Variants in PRKCB observed in about 807,000 individuals in gnomAD.
PRKCB encodes the protein protein kinase C beta type.
PRKCB carries 13 observed loss-of-function variants against 81.5 expected under a neutral mutation model. The ratio of observed to expected loss-of-function variants is 0.16; its 90% CI spans 0.10 to 0.25. The LOEUF (loss-of-function observed/expected upper bound fraction) is 0.25. Ranked by LOEUF, PRKCB falls within the 10% of genes least tolerant of loss-of-function variation. The pLI, the probability that PRKCB is intolerant of heterozygous loss-of-function variation, is 1.00. For missense variants in PRKCB, 509 were observed against 875.7 expected, an observed-to-expected ratio of 0.58 and a Z score of 5.29; for synonymous variants, 335 against 321.4, an observed-to-expected ratio of 1.04 and a Z score of -0.45.
At chr16:24,066,525 A>G (rs1013109901) in intron 5 of PRKCB, among the ~76,000 whole-genome samples, 12 of 152,226 alleles carry the variant, frequency 7.9e-5, no homozygotes, top group African/African-American at 2.9e-4. Context: ...GTTTTCCATT[A>G]TTAACACGTT....
rs183899327 is a variant in PRKCB, at chr16:24,179,612, C to G, written c.1395-1178C>G. 2.6e-5 allele frequency among the ~76,000 whole-genome samples: 4 copies of G among 152,260 alleles called. No homozygotes were observed. The East Asian group carries it at 7.7e-4, about 29-fold the overall frequency. ...TGTGTGCTAAAGACCTACAACTGTT[C>G]CCCAAAATATCAAGCTCTTCTCATC... is the stretch of plus-strand genomic sequence containing the variant. On this transcript the variant is annotated intron_variant, in intron 12 of 16. Coordinates refer to ENST00000643927, the MANE Select transcript of PRKCB (RefSeq NM_002738.7).
intron 2 of PRKCB, among the ~76,000 whole-genome samples, chr16:23,884,535 C>A (rs1300222068): frequency 6.6e-6 from 1 of 152,060 alleles, no homozygotes; most frequent in African/African-American, 2.4e-5. Flanking sequence ...TGAACCATCT[C>A]CTTTTCTTTT....
At chr16:24,090,360 C>G (rs1296378449) in intron 5 of PRKCB, among the ~76,000 whole-genome samples, 1 of 152,198 alleles carries the variant, frequency 6.6e-6, no homozygotes, top group Non-Finnish European at 1.5e-5. Flanking sequence ...TTTATTCGGT[C>G]TCAACCCCTT....
intron 2 of PRKCB, among the ~76,000 whole-genome samples, chr16:23,943,534 CT>C (rs1164385701): frequency 6.6e-6 from 1 of 151,990 alleles, no homozygotes; most frequent in Non-Finnish European, 1.5e-5. Context: ...CTCTCTCTCT[CT>C]TTTTAAAGAT....
intron 2 of PRKCB, among the ~76,000 whole-genome samples, chr16:23,891,858 A>G (rs1344484602): frequency 6.6e-6 from 1 of 152,234 alleles, no homozygotes; most frequent in East Asian, 1.9e-4. Context: ...CACAAAAGAC[A>G]GCACAGAAAT....
intron 2 of PRKCB, among the ~76,000 whole-genome samples, chr16:23,956,777 A>T (rs1280191449): frequency 1.3e-5 from 2 of 152,162 alleles, no homozygotes; most frequent in Non-Finnish European, 2.9e-5. Context: ...GGCATAAGAG[A>T]CAAGAGTCCT....
At chr16:24,163,070 T>A (rs1967287335) in intron 10 of PRKCB, among the ~76,000 whole-genome samples, 1 of 152,220 alleles carries the variant, frequency 6.6e-6, no homozygotes, top group Non-Finnish European at 1.5e-5. Flanking sequence ...TCCCTGCATT[T>A]CAGATCATAG....
At chr16:23,935,109 T>C (rs1014681404) in intron 2 of PRKCB, among the ~76,000 whole-genome samples, 4 of 152,066 alleles carry the variant, frequency 2.6e-5, no homozygotes, top group African/African-American at 9.7e-5. Flanking sequence ...ACTGGGAACT[T>C]CCCCTCAGGC....
chr16:24,109,502 G>T (rs1175542481), intron 7 of PRKCB, among the ~76,000 whole-genome samples: 11 of 117,348 alleles, frequency 9.4e-5, no homozygotes, highest in African/African-American at 4.4e-4. Flanking sequence ...CCACATCTCA[G>T]ACGATGGGCG....
At chr16:24,068,477 G>GAAA (rs530701855) in intron 5 of PRKCB, among the ~76,000 whole-genome samples, 2,023 of 116,184 alleles carry the variant, frequency 0.017, 41 homozygotes, top group African/African-American at 0.055. Flanking sequence ...TGGCCCAAAG[G>GAAA]AAAAAAAAAA....
In PRKCB at chr16:24,185,026, C is replaced by A; in HGVS notation, c.1534-85C>A. On this transcript the variant is annotated intron_variant, in intron 13 of 16. Coordinates refer to ENST00000643927, the MANE Select transcript of PRKCB (RefSeq NM_002738.7). ...AAGAAACAGTTCAGGTGGGCACTGG[C>A]CTTCTTGTAAAAGAAGAGTGAAATC... The A allele has an allele frequency of 5.3e-6, 6 of 1,129,134 alleles. 1 individual carries two copies. The South Asian group carries it at 7.5e-5, about 14-fold the overall frequency. 69.9% of individuals were successfully genotyped at this position (1,129,134 alleles called of 1,614,324 possible).
intron 5 of PRKCB, among the ~76,000 whole-genome samples, chr16:24,045,110 T>C (rs1171882519): frequency 6.6e-6 from 1 of 152,124 alleles, no homozygotes; most frequent in African/African-American, 2.4e-5. Context: ...ATTTCCGCAA[T>C]TTTTGAAAAA....
In PRKCB at chr16:23,891,802, T is replaced by C. The variant is rs113652573; in HGVS notation, c.205+54396T>C. Among the ~76,000 whole-genome samples the C allele has an allele frequency of 7.5e-4, 115 of 152,326 alleles. 2 individuals carry two copies. The highest frequency in any genetic ancestry group is 2.6e-3 in the African/African-American group (110 of 41,572). On this transcript the variant is annotated intron_variant, in intron 2 of 16. Coordinates refer to ENST00000643927, the MANE Select transcript of PRKCB (RefSeq NM_002738.7). ...TCTTAATGAAGCCACTTGTGAAAGATAATGTGACATGTTTGTCCATCACAT... is the reference window on the plus strand; with the variant it reads ...TCTTAATGAAGCCACTTGTGAAAGACAATGTGACATGTTTGTCCATCACAT...
intron 3 of PRKCB, among the ~76,000 whole-genome samples, chr16:23,994,521 G>A (rs1964930939): frequency 6.6e-6 from 1 of 152,220 alleles, no homozygotes; most frequent in Admixed American, 6.5e-5. Flanking sequence ...GCAGAGATCA[G>A]TGCCATCATC....
chr16:23,896,361 AT>A (rs1963379985), intron 2 of PRKCB, among the ~76,000 whole-genome samples: 1 of 152,166 alleles, frequency 6.6e-6, no homozygotes, highest in Non-Finnish European at 1.5e-5. Flanking sequence ...ATCAACAAAT[AT>A]TTATTGAAAA....
intron 2 of PRKCB, among the ~76,000 whole-genome samples, chr16:23,980,335 G>A (rs1050973319): frequency 2.0e-5 from 3 of 152,228 alleles, no homozygotes; most frequent in South Asian, 2.1e-4. Context: ...AGTTTAATGC[G>A]GATAAGTCTG....
intron 2 of PRKCB, among the ~76,000 whole-genome samples, chr16:23,977,667 G>A (rs753654364): frequency 6.6e-6 from 1 of 152,206 alleles, no homozygotes; most frequent in Non-Finnish European, 1.5e-5. Context: ...TCTCTCCAGT[G>A]ATGAAGTACA....
chr16:23,935,404 G>A (rs1221330517), intron 2 of PRKCB, among the ~76,000 whole-genome samples: 1 of 152,128 alleles, frequency 6.6e-6, no homozygotes. Context: ...GGACAAAGTA[G>A]GTTCTCTCCT....
At chr16:23,944,959 TGA>T (rs1412186153) in intron 2 of PRKCB, among the ~76,000 whole-genome samples, 1 of 152,018 alleles carries the variant, frequency 6.6e-6, no homozygotes, top group Non-Finnish European at 1.5e-5. Flanking sequence ...AGGAGGGGAC[TGA>T]GGGGCCAAGG....
Sources: gnomAD v4.1 joint callset for allele counts (sites outside exome capture counted in the v4.1 genomes callset) on GRCh38, gnomAD v4.1.1 for gene constraint, MANE v1.5 for transcripts, NCBI Gene and HGNC (gene_info 2026-07-23, HGNC 2026-07-21) for gene names.